Variants in GPR176 observed in about 807,000 individuals in gnomAD.
GPR176 encodes G protein-coupled receptor 176.
A neutral mutation model predicts 35.4 loss-of-function variants in GPR176; 26 were observed. The ratio of observed to expected loss-of-function variants is 0.74; its 90% CI spans 0.54 to 1.02. The LOEUF is 1.02. GPR176 is among the 50% of genes least tolerant of loss of function. GPR176 has a pLI of 0.00. For missense variants in GPR176, 597 were observed against 665.3 expected (o/e 0.90, Z 1.13); for synonymous variants, 278 against 271.3 (o/e 1.02, Z -0.24).
At chr15:39,826,044 G>A (rs1167092551) in intron 1 of GPR176, among the ~76,000 whole-genome samples, 7 of 152,122 alleles carry the variant, frequency 4.6e-5, no homozygotes, top group Non-Finnish European at 7.4e-5. Context: ...ATTCACTGCC[G>A]TTATGGGGGA....
chr15:39,914,048 A>AAAACAAACAAAC (rs551552592), intron 1 of GPR176, among the ~76,000 whole-genome samples: 1 of 152,134 alleles, frequency 6.6e-6, no homozygotes, highest in Non-Finnish European at 1.5e-5. Context: ...TCAGTCTCAA[A>AAAACAAACAAAC]AAACAAACAA....
intron 1 of GPR176, among the ~76,000 whole-genome samples, chr15:39,844,268 G>A (rs919693772): frequency 6.6e-6 from 1 of 152,070 alleles, no homozygotes; most frequent in Non-Finnish European, 1.5e-5. Context: ...CCTCAAACAT[G>A]CTGATTCATA....
intron 1 of GPR176, among the ~76,000 whole-genome samples, chr15:39,810,790 C>A (rs1320629567): frequency 1.3e-5 from 2 of 152,190 alleles, no homozygotes; most frequent in Non-Finnish European, 2.9e-5. Context: ...AGTGGATCGA[C>A]AAGGGTCAGA....
intron 1 of GPR176, among the ~76,000 whole-genome samples, chr15:39,891,670 C>T (rs148735694): frequency 3.9e-5 from 6 of 152,194 alleles, no homozygotes; most frequent in Admixed American, 3.9e-4. Context: ...AACAGACGGG[C>T]ACCAGAATGA....
At chr15:39,900,595 T>G (rs770583637) in intron 1 of GPR176, among the ~76,000 whole-genome samples, 17 of 152,316 alleles carry the variant, frequency 1.1e-4, no homozygotes, top group Admixed American at 2.0e-4. Flanking sequence ...TCAGTAACAA[T>G]TATCCCAAAG....
intron 1 of GPR176, among the ~76,000 whole-genome samples, chr15:39,897,563 AC>A (rs1255248247): frequency 1.4e-5 from 2 of 145,174 alleles, no homozygotes; most frequent in African/African-American, 2.6e-5. Flanking sequence ...AGCAAATTGC[AC>A]TCATTGCCTG....
chr15:39,802,138 G>T lies in GPR176; in HGVS notation c.542C>A (p.Thr181Asn). 1 of 1,614,192 alleles carries T rather than the reference G, an allele frequency of 6.2e-7. No individual in the cohort carries two copies. The highest frequency in any genetic ancestry group is 8.5e-7 in the Non-Finnish European group (1 of 1,180,036). The change falls in exon 3 of 3, where the codon ACC becomes AAC. Residue 181 changes from threonine to asparagine, a missense_variant. Around this residue, in one of 3 missense-constraint regions of GPR176, gnomAD observed 220 missense variants for 297.6 expected, o/e 0.74. Transcript: ENST00000561100. ...CGTGGCATAGATGTCAGCCACATTG[G>T]TTACTGCAAACACAGGGACACTGGC... ...VVASVPVFAV[T>N]NVADIYATST...
chr15:39,841,462 T>C lies in GPR176; in HGVS notation c.173-34204A>G, dbSNP rs1378045360. Among the ~76,000 whole-genome samples, 4 of 151,952 alleles carry C rather than the reference T, an allele frequency of 2.6e-5. No homozygotes were observed. The East Asian group carries it at 7.7e-4, about 29-fold the overall frequency. On this transcript the variant is annotated intron_variant, in intron 1 of 2. Transcript: ENST00000561100. ...TAATCCAATATGACTGGTGTCCTTA[T>C]AAAAAAGGGGAGATTTGTCCGCAGA...
chr15:39,919,878 A>G lies in GPR176; in HGVS notation c.149T>C (p.Val50Ala), dbSNP rs1292530535. The change falls in exon 1 of 3, where the codon GTC becomes GCC. Residue 50 changes from valine (V) to alanine (A), a missense_variant. By Grantham distance (64) the Val-to-Ala change is moderately conservative. Around this residue, in one of 3 missense-constraint regions of GPR176, gnomAD observed 126 missense variants for 112.4 expected, o/e 1.12. Transcript: ENST00000561100. ...YRQFTTTVQV[V>A]IFIGSLLGNF... ...ACCGAGCAGCGAGCCTATGAAGATG[A>G]CGACCTGCACGGTGGTGGTGAACTG... 1.4e-6 allele frequency: 2 copies of G among 1,476,824 alleles called. No individual in the cohort carries two copies. The highest frequency in any genetic ancestry group is 2.6e-5 in the Admixed American group (1 of 38,478). The allele number at this position is 1,476,824 out of a possible 1,614,324, so 91.5% of individuals were successfully genotyped here. A position where few individuals can be genotyped will look rare whatever the true frequency, so the allele number is the denominator to read the frequency against.
chr15:39,828,892 T>C (rs1005142621), intron 1 of GPR176, among the ~76,000 whole-genome samples: 3 of 152,206 alleles, frequency 2.0e-5, no homozygotes, highest in African/African-American at 7.2e-5. Flanking sequence ...ATGTCCATGC[T>C]GGAGTAGCTG....
intron 1 of GPR176, among the ~76,000 whole-genome samples, chr15:39,830,850 A>T (rs2140827741): frequency 6.6e-6 from 1 of 152,332 alleles, no homozygotes; most frequent in African/African-American, 2.4e-5. Flanking sequence ...AGTCAATAAC[A>T]ACTGCTAGAA....
intron 1 of GPR176, among the ~76,000 whole-genome samples, chr15:39,879,894 C>G (rs2032407289): frequency 6.6e-6 from 1 of 152,146 alleles, no homozygotes; most frequent in Non-Finnish European, 1.5e-5. Flanking sequence ...CAGGTAACTC[C>G]TTCTCATTTG....
At chr15:39,838,567 A>C (rs545713927) in intron 1 of GPR176, among the ~76,000 whole-genome samples, 1 of 152,294 alleles carries the variant, frequency 6.6e-6, no homozygotes. Context: ...TATAAACAGA[A>C]CCAAAGACAA....
chr15:39,910,898 C>T (rs892763832), intron 1 of GPR176, among the ~76,000 whole-genome samples: 2 of 151,844 alleles, frequency 1.3e-5, no homozygotes, highest in African/African-American at 2.4e-5. Flanking sequence ...ATTAGCCAGG[C>T]GTGGTGGCAT....
At chr15:39,860,638 G>A (rs1042356975) in intron 1 of GPR176, among the ~76,000 whole-genome samples, 5 of 152,166 alleles carry the variant, frequency 3.3e-5, no homozygotes, top group African/African-American at 1.2e-4. Context: ...GGAAATAAAA[G>A]AGACCTGAAG....
At position 39,801,121 on chromosome 15, in the gene GPR176, T is replaced by C; in HGVS notation, c.*11A>G. The stretch of plus-strand genomic sequence containing the variant: ...AAGCTCCCCGTTGCTTCCAAGAATT[T>C]ACAATCCTTGCTAGGAATCCACCTT... On this transcript the variant is annotated 3_prime_UTR_variant, in exon 3 of 3. Transcript: ENST00000561100. 1 of 1,576,512 alleles carries C rather than the reference T, an allele frequency of 6.3e-7. No individual in the cohort carries two copies. The highest frequency in any genetic ancestry group is 1.8e-5 in the Admixed American group (1 of 56,472).
intron 1 of GPR176, among the ~76,000 whole-genome samples, chr15:39,851,821 C>A (rs1375895372): frequency 6.6e-6 from 1 of 152,164 alleles, no homozygotes; most frequent in Non-Finnish European, 1.5e-5. Flanking sequence ...TTCCAGTCAT[C>A]TCTTTTGTCT....
chr15:39,850,618 A>G (rs1048523698), intron 1 of GPR176, among the ~76,000 whole-genome samples: 2 of 152,122 alleles, frequency 1.3e-5, no homozygotes, highest in African/African-American at 2.4e-5. Flanking sequence ...GGGCAACAGA[A>G]GGCTCCTTGT....
At chr15:39,919,232 T>G (rs1208417384) in intron 1 of GPR176, among the ~76,000 whole-genome samples, 2 of 152,136 alleles carry the variant, frequency 1.3e-5, no homozygotes, top group Non-Finnish European at 2.9e-5. Context: ...TATCCTACCT[T>G]TATTCTGTAC....
Sources: gnomAD v4.1 joint callset for allele counts (sites outside exome capture counted in the v4.1 genomes callset) on GRCh38, gnomAD v4.1.1 for gene constraint, gnomAD v4.1.1 regional missense constraint, MANE v1.5 for transcripts, NCBI Gene and HGNC (gene_info 2026-07-23, HGNC 2026-07-21) for gene names.